Variants in CHD1L observed in about 807,000 individuals in gnomAD.
CHD1L encodes chromodomain helicase DNA binding protein 1 like, also known as ATP-dependent chromatin remodeler CHD1L.
A neutral mutation model predicts 115.9 loss-of-function variants in CHD1L; 118 were observed. The ratio of observed to expected loss-of-function variants is 1.02; its 90% CI spans 0.88 to 1.19. CHD1L has a LOEUF of 1.19. CHD1L is among the 50% of genes most tolerant of loss of function. CHD1L has a pLI of 0.00. For synonymous variants in CHD1L, 411 were observed against 387.1 expected (o/e 1.06, Z -0.72); for missense variants, 1,179 against 1,065.3 (o/e 1.11, Z -1.49).
intron 19 of CHD1L, among the ~76,000 whole-genome samples, chr1:147,290,036 G>T (rs747671685): frequency 6.6e-6 from 1 of 152,140 alleles, no homozygotes; most frequent in African/African-American, 2.4e-5. Flanking sequence ...GTTCAAACTG[G>T]TATCAACCTA....
the CHD1L span, among the ~76,000 whole-genome samples, chr1:147,221,924 T>C: frequency 6.6e-6 from 1 of 152,206 alleles, no homozygotes. Flanking sequence ...CAGAGCAGTA[T>C]TGGGTTAGTG....
intron 15 of CHD1L, among the ~76,000 whole-genome samples, 199 bp from the exon 16 acceptor site, chr1:147,284,152 G>A (rs1385565178): frequency 1.3e-5 from 2 of 152,160 alleles, no homozygotes; most frequent in Non-Finnish European, 2.9e-5. Context: ...CCTTGGAAAA[G>A]TAAACACATG....
intron 15 of CHD1L, 21 bp downstream of exon 15, chr1:147,280,212 G>C (rs1318923438): frequency 1.9e-6 from 3 of 1,541,854 alleles, no homozygotes; most frequent in African/African-American, 2.8e-5. Flanking sequence ...GGTTAGAGCA[G>C]AGCAAATGGC....
chr1:147,228,063 G>T, the CHD1L span, among the ~76,000 whole-genome samples: 1 of 151,472 alleles, frequency 6.6e-6, no homozygotes, highest in Non-Finnish European at 1.5e-5. Flanking sequence ...CAACGTGCAG[G>T]TTAGTTACAT....
chr1:147,198,659 G>C, the CHD1L span, among the ~76,000 whole-genome samples: 3 of 151,756 alleles, frequency 2.0e-5, no homozygotes, highest in Non-Finnish European at 4.4e-5. Flanking sequence ...GACCATCCTG[G>C]CTAACATGGT....
chr1:147,286,723 C>A (rs1553966289), intron 18 of CHD1L, among the ~76,000 whole-genome samples: 1 of 152,156 alleles, frequency 6.6e-6, no homozygotes. Flanking sequence ...CTTCCTTATC[C>A]ATATGATGGG....
In CHD1L at chr1:147,291,478, T is replaced by G; in HGVS notation, c.2321-4T>G. ...TTATGTTGCTCCTTTCTGTTTTACC[T>G]CAGACCTGAGTTTGGGAGGTGTCCT... On this transcript the variant is annotated splice_region_variant and splice_polypyrimidine_tract_variant and intron_variant, in intron 19 of 22. Transcript: ENST00000369258. 1 of 1,613,078 alleles carries G rather than the reference T, an allele frequency of 6.2e-7. No individual in the cohort carries two copies. The highest frequency in any genetic ancestry group is 8.5e-7 in the Non-Finnish European group (1 of 1,179,086).
intron 5 of CHD1L, chr1:147,259,428 C>G (rs1553942467): frequency 6.5e-6 from 1 of 153,804 alleles, no homozygotes; most frequent in East Asian, 1.9e-4. Context: ...TGACCTTCAC[C>G]AAGTCACCTA....
the CHD1L span, among the ~76,000 whole-genome samples, chr1:147,192,674 C>T: frequency 6.6e-6 from 1 of 152,008 alleles, no homozygotes; most frequent in Non-Finnish European, 1.5e-5. Context: ...TTATTATTTT[C>T]AGATACATCC....
rs587689150 is a variant in CHD1L, at chr1:147,242,973, G to A, written c.127+143G>A. On this transcript the variant is annotated intron_variant, in intron 1 of 22. Transcript: ENST00000369258. ...GCCTTCCTTCGCTCCTGCCGTGGGC[G>A]GAGAGAAACTGCGCCCGGGCTTGGT... The A allele has an allele frequency of 1.4e-4, 143 of 1,042,400 alleles. 1 individual carries two copies. The African/African-American group carries it at 1.9e-3, about 14-fold the overall frequency. The allele number at this position is 1,042,400 out of a possible 1,614,324, so 64.6% of individuals were successfully genotyped here.
intron 18 of CHD1L, among the ~76,000 whole-genome samples, chr1:147,287,026 T>C (rs1447130700): frequency 2.0e-5 from 3 of 152,194 alleles, no homozygotes; most frequent in Non-Finnish European, 2.9e-5. Flanking sequence ...ATCACACCTG[T>C]CCCACCTGAC....
chr1:147,267,329 A>G, intron 8 of CHD1L, 97 bp from the exon 9 acceptor site: 1 of 795,252 alleles, frequency 1.3e-6, no homozygotes. Flanking sequence ...GATATAATTG[A>G]AATGATTAAG....
chr1:147,213,831 C>T, the CHD1L span, among the ~76,000 whole-genome samples: 1 of 152,148 alleles, frequency 6.6e-6, no homozygotes, highest in Non-Finnish European at 1.5e-5. Context: ...CTCCTGACCC[C>T]TATATGTCCT....
chr1:147,186,643 G>A, the CHD1L span: 1 of 1,221,082 alleles, frequency 8.2e-7, no homozygotes, highest in Non-Finnish European at 1.0e-6. Context: ...ATACAAAGAT[G>A]ACTAAAAGAG....
chr1:147,223,344 A>G, the CHD1L span, among the ~76,000 whole-genome samples: 2 of 152,228 alleles, frequency 1.3e-5, no homozygotes, highest in Non-Finnish European at 2.9e-5. Context: ...TGTCACATAA[A>G]ATTAGTCCCC....
the CHD1L span, among the ~76,000 whole-genome samples, chr1:147,190,403 C>A: frequency 1.3e-5 from 2 of 152,186 alleles, no homozygotes; most frequent in African/African-American, 4.8e-5. Context: ...CTTACCACCA[C>A]CACAATATAA....
In CHD1L at chr1:147,259,930, G is replaced by C. The variant is rs782331418; in HGVS notation, c.576+12G>C. ...AGACCTTGTCAGAGGTAAACTTACA[G>C]TGTAGCCTTAGTTTTTATATAACCC... On this transcript the variant is annotated intron_variant, in intron 6 of 22. Coordinates refer to ENST00000369258, the MANE Select transcript of CHD1L (RefSeq NM_004284.6). 10 of 1,602,386 alleles carry C rather than the reference G, an allele frequency of 6.2e-6. No individual in the cohort carries two copies. In the Admixed American group the frequency reaches 1.5e-4, roughly 25 times the overall value.
At chr1:147,208,945 T>G in the CHD1L span, 1 of 1,614,080 alleles carries the variant, frequency 6.2e-7, no homozygotes, top group South Asian at 1.1e-5. Flanking sequence ...GCCACAGATC[T>G]TCCATATAAA....
intron 1 of CHD1L, among the ~76,000 whole-genome samples, chr1:147,249,646 C>T (rs587763571): frequency 2.6e-5 from 4 of 152,132 alleles, no homozygotes; most frequent in East Asian, 1.9e-4. Context: ...CCTCGTGATC[C>T]GCCTGCCTCG....
Sources: gnomAD v4.1 joint callset for allele counts (sites outside exome capture counted in the v4.1 genomes callset) on GRCh38, gnomAD v4.1.1 for gene constraint, MANE v1.5 for transcripts, NCBI Gene and HGNC (gene_info 2026-07-23, HGNC 2026-07-21) for gene names.